Variants in RPS7 observed in about 807,000 individuals in gnomAD.
RPS7 encodes the protein ribosomal protein S7, also known as small ribosomal subunit protein eS7.
A neutral mutation model predicts 22.1 loss-of-function variants in RPS7; 1 was observed. That is an observed-to-expected ratio of 0.05 (90% CI 0.02 to 0.21). The LOEUF (loss-of-function observed/expected upper bound fraction) is 0.21. Among genes scored for constraint, RPS7 ranks in the 10% least tolerant of loss-of-function variants. The probability of loss-of-function intolerance (pLI) is 1.00; values close to 1 mark genes in which losing one functional copy is unlikely to be tolerated. For synonymous variants in RPS7, 80 were observed against 92.0 expected (o/e 0.87, Z 0.74); for missense variants, 137 against 246.4 (o/e 0.56, Z 2.97).
At chr2:3,575,508 G>T in intron 1 of RPS7, 84 bp from the exon 2 acceptor site, 1 of 887,308 alleles carries the variant, frequency 1.1e-6, no homozygotes, top group Non-Finnish European at 1.8e-6. Flanking sequence ...GGGCGAGCGG[G>T]GCCTGGCCGG....
At position 3,576,008 on chromosome 2, in the gene RPS7, A is replaced by AC; in HGVS notation, c.147+121dup. On this transcript the variant is annotated intron_variant, in intron 3 of 6. Coordinates refer to ENST00000645674, the MANE Select transcript of RPS7 (RefSeq NM_001011.4). Reference sequence around the variant, plus strand: ...CTTGCCGCCTGGCCGCCTAACCTGAACTCAGGTTCGGCCGTGTTGTTTGGG... The same window carrying AC: ...CTTGCCGCCTGGCCGCCTAACCTGAACCTCAGGTTCGGCCGTGTTGTTTGGG... 9 of 776,696 alleles carry AC rather than the reference A, an allele frequency of 1.2e-5. No individual in the cohort carries two copies. The South Asian group carries it at 1.3e-4, about 12-fold the overall frequency. The allele number at this position is 776,696 out of a possible 1,614,324, so 48.1% of individuals were successfully genotyped here. A position where few individuals can be genotyped will look rare whatever the true frequency, so the allele number is the denominator to read the frequency against.
chr2:3,580,034 C>G (rs1661365728), intron 5 of RPS7, 76 bp from the exon 6 acceptor site: 4 of 1,359,844 alleles, frequency 2.9e-6, no homozygotes, highest in Non-Finnish European at 4.2e-6. Context: ...TTCATTTTGA[C>G]TTAAAGAGGT....
At chr2:3,579,922 C>T (rs1558473693) in intron 5 of RPS7, 188 bp from the exon 6 acceptor site, 1 of 642,560 alleles carries the variant, frequency 1.6e-6, no homozygotes, top group East Asian at 2.7e-5. Context: ...TAAGCTATTA[C>T]CCTATTCTAG....
chr2:3,577,465 T>C (rs1661306415), intron 4 of RPS7: 3 of 549,440 alleles, frequency 5.5e-6, no homozygotes, highest in Admixed American at 3.3e-5. Flanking sequence ...GAAAGGCGTA[T>C]CTGGGAGATT....
chr2:3,578,075 T>C (rs1306614060), intron 5 of RPS7: 3 of 369,790 alleles, frequency 8.1e-6, no homozygotes, highest in Admixed American at 4.4e-5. Flanking sequence ...TTCTGTGATA[T>C]AGCATGCTAG....
intron 5 of RPS7, chr2:3,578,333 T>G (rs1158133195): frequency 6.5e-6 from 1 of 153,954 alleles, no homozygotes. Context: ...TAGTATGTTG[T>G]TTTACAAATG....
chr2:3,576,083 TA>T, intron 3 of RPS7, 195 bp downstream of exon 3: 1 of 638,020 alleles, frequency 1.6e-6, no homozygotes, highest in Non-Finnish European at 2.8e-6. Context: ...CCCTGCGGCT[TA>T]AGCTGTCCAC....
At chr2:3,579,618 T>G (rs1247482029) in intron 5 of RPS7, 2 of 181,304 alleles carry the variant, frequency 1.1e-5, no homozygotes, top group East Asian at 1.4e-4. Context: ...GGTAGTGATA[T>G]TCAGACGAGG....
intron 5 of RPS7, chr2:3,579,128 C>T (rs982199316): frequency 6.6e-6 from 1 of 152,190 alleles, no homozygotes; most frequent in African/African-American, 2.4e-5. Context: ...TGCCATTGCT[C>T]CCCATTTTAA....
chr2:3,579,635 AT>A (rs1222978677), intron 5 of RPS7: 2 of 185,170 alleles, frequency 1.1e-5, no homozygotes, highest in Non-Finnish European at 2.3e-5. Context: ...GAGGAGCAAG[AT>A]TCCACTGGCA....
In RPS7 at chr2:3,580,305, G is replaced by C. The variant is rs201474049; in HGVS notation, c.507+45G>C. On this transcript the variant is annotated intron_variant, in intron 6 of 6. Coordinates refer to ENST00000645674, the MANE Select transcript of RPS7 (RefSeq NM_001011.4). ...TCATGGAAAGGTTCAGCCACAGTGA[G>C]AGTGGATTTTAGTGTAACCAGTCTC... The C allele has an allele frequency of 8.2e-6, 13 of 1,588,368 alleles. No individual in the cohort carries two copies. In the East Asian group the frequency reaches 1.1e-4, roughly 14 times the overall value.
At chr2:3,577,799 A>C (rs753220088) in intron 5 of RPS7, 25 bp downstream of exon 5, 21 of 1,428,332 alleles carry the variant, frequency 1.5e-5, no homozygotes, top group Non-Finnish European at 1.9e-5. Context: ...AGTTTCAGAA[A>C]TGTGTGTACC....
chr2:3,575,435 G>A, intron 1 of RPS7, 85 bp downstream of exon 1: 2 of 626,884 alleles, frequency 3.2e-6, no homozygotes, highest in South Asian at 3.8e-5. Context: ...GGAGGGGCGA[G>A]CCTTGCTCAC....
At chr2:3,577,647 T>TA (rs1661312941) in intron 4 of RPS7, 63 bp from the exon 5 acceptor site, 7 of 1,241,370 alleles carry the variant, frequency 5.6e-6, no homozygotes, top group Admixed American at 5.1e-5. Context: ...GTATGGCAGT[T>TA]ACAGCTTTTT....
chr2:3,576,241 G>C lies in RPS7; in HGVS notation c.148-246G>C, dbSNP rs1026002091. The C allele has an allele frequency of 3.3e-5, 20 of 601,118 alleles. No individual in the cohort carries two copies. The East Asian group carries it at 4.8e-4, about 14-fold the overall frequency. 37.2% of individuals were successfully genotyped at this position (601,118 alleles called of 1,614,324 possible). Reference sequence around the variant, plus strand: ...CCCTTAGCCCGGAGTTGCCGCAAGTGGGGGTGCAGAAGTGGTAGTGATTGG... The same window carrying C: ...CCCTTAGCCCGGAGTTGCCGCAAGTCGGGGTGCAGAAGTGGTAGTGATTGG... On this transcript the variant is annotated intron_variant, in intron 3 of 6. Coordinates refer to ENST00000645674, the MANE Select transcript of RPS7 (RefSeq NM_001011.4).
At chr2:3,576,049 G>A (rs969282327) in intron 3 of RPS7, 161 bp downstream of exon 3, 294 of 677,256 alleles carry the variant, frequency 4.3e-4, no homozygotes, top group Non-Finnish European at 5.7e-4. Context: ...TACCGCCCAG[G>A]TGCGGGGAGT....
intron 4 of RPS7, 39 bp from the exon 5 acceptor site, chr2:3,577,671 C>G: frequency 6.8e-7 from 1 of 1,473,402 alleles, no homozygotes; most frequent in East Asian, 2.3e-5. Flanking sequence ...AATTTAAAGT[C>G]TTTTTTCATT....
chr2:3,578,209 G>A (rs1661329672), intron 5 of RPS7: 1 of 161,358 alleles, frequency 6.2e-6, no homozygotes, highest in Non-Finnish European at 1.4e-5. Flanking sequence ...AGTTGAAGAT[G>A]CTGATGGAAA....
chr2:3,579,951 T>A (rs1440978691), intron 5 of RPS7, 159 bp from the exon 6 acceptor site: 6 of 737,382 alleles, frequency 8.1e-6, no homozygotes, highest in African/African-American at 1.7e-5. Context: ...AGGCTTTAGT[T>A]TGGTACGTGA....
Sources: gnomAD v4.1 joint callset for allele counts on GRCh38, gnomAD v4.1.1 for gene constraint, MANE v1.5 for transcripts, NCBI Gene and HGNC (gene_info 2026-07-23, HGNC 2026-07-21) for gene names.